Variants in NBEAL1 observed in about 807,000 individuals in gnomAD.
NBEAL1 encodes the protein neurobeachin like 1.
A neutral mutation model predicts 351.3 loss-of-function variants in NBEAL1; 273 were observed. The ratio of observed to expected loss-of-function variants is 0.78; its 90% CI spans 0.70 to 0.86. NBEAL1 has a LOEUF of 0.86. NBEAL1 is among the 40% of genes least tolerant of loss of function. NBEAL1 has a pLI of 0.00. For missense variants in NBEAL1, 2,961 were observed against 3,201.3 expected (o/e 0.92, Z 1.81); for synonymous variants, 1,050 against 1,086.4 (o/e 0.97, Z 0.66).
chr2:203,162,825 T>C (rs1052969811), intron 36 of NBEAL1, among the ~76,000 whole-genome samples: 1 of 152,078 alleles, frequency 6.6e-6, no homozygotes, highest in African/African-American at 2.4e-5. Context: ...TTCAAATAAA[T>C]AGAGCAGTGA....
rs748933456 is a variant in NBEAL1, at chr2:203,224,710, T to C, written c.*7356T>C. Among the ~76,000 whole-genome samples, 16 of 152,192 alleles carry C rather than the reference T, an allele frequency of 1.1e-4. No homozygotes were observed. The highest frequency in any genetic ancestry group is 1.4e-4 in the African/African-American group (6 of 41,460). ...ATCTTAAAATGTTCCTTCTCACTTATTCTACTGGAATTGACCATGAAAAAG... is the reference window on the plus strand; with the variant it reads ...ATCTTAAAATGTTCCTTCTCACTTACTCTACTGGAATTGACCATGAAAAAG... On this transcript the variant is annotated 3_prime_UTR_variant, in exon 56 of 56. Coordinates refer to ENST00000683969, the MANE Select transcript of NBEAL1 (RefSeq NM_001378026.1).
rs755842726 is a variant in NBEAL1 at position 203,199,292 on chromosome 2, T to C, written c.7129-46T>C. 3.0e-5 allele frequency: 33 copies of C among 1,107,452 alleles called. No homozygotes were observed. In the East Asian group the frequency reaches 7.6e-4, roughly 25 times the overall value. The allele number at this position is 1,107,452 out of a possible 1,614,324, so 68.6% of individuals were successfully genotyped here. A position where few individuals can be genotyped will look rare whatever the true frequency, so the allele number is the denominator to read the frequency against. ...AGCATCTGGTTATTCTGGGCTGCTT[T>C]CCTTAATATTTCATTTAATTTGAGT... On this transcript the variant is annotated intron_variant, in intron 48 of 55. Coordinates refer to ENST00000683969, the MANE Select transcript of NBEAL1 (RefSeq NM_001378026.1).
At chr2:203,094,994 C>T (rs2062150175) in intron 10 of NBEAL1, among the ~76,000 whole-genome samples, 1 of 151,946 alleles carries the variant, frequency 6.6e-6, no homozygotes, top group Admixed American at 6.6e-5. Flanking sequence ...CGTGGTGGCG[C>T]ATGCCTGTAA....
intron 3 of NBEAL1, among the ~76,000 whole-genome samples, chr2:203,048,412 T>A (rs2061266980): frequency 6.6e-6 from 1 of 151,766 alleles, no homozygotes; most frequent in African/African-American, 2.4e-5. Context: ...CCATGCTTTG[T>A]TATGCCTTGG....
chr2:203,192,675 C>T (rs540496191), intron 46 of NBEAL1, among the ~76,000 whole-genome samples: 8 of 152,128 alleles, frequency 5.3e-5, no homozygotes, highest in African/African-American at 1.4e-4. Flanking sequence ...TGTGAGCCAC[C>T]GCACCCGATC....
chr2:203,145,932 C>A, intron 33 of NBEAL1, among the ~76,000 whole-genome samples: 2 of 148,102 alleles, frequency 1.4e-5, no homozygotes, highest in Admixed American at 6.7e-5. Flanking sequence ...TAGAGAAAAT[C>A]AATGAAACCA....
At chr2:203,141,319 C>A (rs987841981) in intron 31 of NBEAL1, among the ~76,000 whole-genome samples, 1 of 133,936 alleles carries the variant, frequency 7.5e-6, no homozygotes, top group African/African-American at 2.8e-5. Flanking sequence ...TAAGTACAAG[C>A]ACAGCACCTA....
intron 10 of NBEAL1, among the ~76,000 whole-genome samples, chr2:203,092,893 AT>A (rs2062093903): frequency 6.6e-6 from 1 of 152,222 alleles, no homozygotes; most frequent in African/African-American, 2.4e-5. Context: ...GTAAATTGTT[AT>A]AAAGACAAAT....
chr2:203,065,769 C>G lies in NBEAL1; in HGVS notation c.516-2624C>G, dbSNP rs554948072. 1.1e-4 allele frequency among the ~76,000 whole-genome samples: 16 copies of G among 151,934 alleles called. No homozygotes were observed. The South Asian group carries it at 3.1e-3, about 30-fold the overall frequency. On this transcript the variant is annotated intron_variant, in intron 6 of 55. Coordinates refer to ENST00000683969, the MANE Select transcript of NBEAL1 (RefSeq NM_001378026.1). ...TCTGTCTCAGAAAAAAAAAAAGAAG[C>G]CTGGTTAAATCAACCAAAAACATAA...
At chr2:203,129,396 C>T (rs1039275133) in intron 24 of NBEAL1, among the ~76,000 whole-genome samples, 2 of 152,124 alleles carry the variant, frequency 1.3e-5, no homozygotes, top group Admixed American at 1.3e-4. Context: ...ATTATTTACT[C>T]AGTGGTTACA....
intron 2 of NBEAL1, among the ~76,000 whole-genome samples, chr2:203,025,336 A>G (rs2060839364): frequency 6.6e-6 from 1 of 152,224 alleles, no homozygotes; most frequent in Admixed American, 6.5e-5. Context: ...TGCAAACTTT[A>G]AAAATTTCTA....
At chr2:203,116,425 G>C (rs150087157) in intron 18 of NBEAL1, among the ~76,000 whole-genome samples, 102 of 152,140 alleles carry the variant, frequency 6.7e-4, no homozygotes, top group African/African-American at 2.4e-3. Context: ...TAAATGTGAT[G>C]TAGCCAAAAA....
At position 203,126,727 on chromosome 2, in the gene NBEAL1, G is replaced by C. The variant is rs766760899; in HGVS notation, c.3145+11G>C. ...TTCCCTTTCGAATCGGTGAGAGCAG[G>C]CTTTCAGATAAACATTTTATAGTTG... On this transcript the variant is annotated intron_variant, in intron 22 of 55. Transcript: ENST00000683969. 2 of 1,511,760 alleles carry C rather than the reference G, an allele frequency of 1.3e-6. No homozygotes were observed. Among genetic ancestry groups the C allele is most frequent in the Admixed American group, 4.6e-5 (2 of 43,034 alleles). The allele number at this position is 1,511,760 out of a possible 1,614,324, so 93.6% of individuals were successfully genotyped here.
intron 12 of NBEAL1, among the ~76,000 whole-genome samples, chr2:203,104,723 A>G (rs995963215): frequency 6.6e-6 from 1 of 152,178 alleles, no homozygotes; most frequent in Non-Finnish European, 1.5e-5. Flanking sequence ...CCTTCAGGAT[A>G]TCTTGTAAGG....
At chr2:203,106,794 C>T (rs1292498395) in intron 12 of NBEAL1, among the ~76,000 whole-genome samples, 1 of 152,148 alleles carries the variant, frequency 6.6e-6, no homozygotes, top group Non-Finnish European at 1.5e-5. Context: ...TAATGGGGCA[C>T]TTTAGTATGT....
chr2:203,183,393 G>A lies in NBEAL1; in HGVS notation c.6705+5G>A. The A allele has an allele frequency of 6.8e-7, 1 of 1,477,550 alleles. No individual in the cohort carries two copies. The highest frequency in any genetic ancestry group is 9.3e-7 in the Non-Finnish European group (1 of 1,076,500). 91.5% of individuals were successfully genotyped at this position (1,477,550 alleles called of 1,614,324 possible). The stretch of plus-strand genomic sequence containing the variant: ...TATAAACATAGGAAAGCTTTGGTAA[G>A]AGTTTTGCATTTAGTTATTTGACAG... On this transcript the variant is annotated splice_donor_5th_base_variant and intron_variant, in intron 44 of 55. Coordinates refer to ENST00000683969, the MANE Select transcript of NBEAL1 (RefSeq NM_001378026.1).
At chr2:203,196,949 G>A (rs2065255539) in intron 47 of NBEAL1, among the ~76,000 whole-genome samples, 1 of 152,148 alleles carries the variant, frequency 6.6e-6, no homozygotes, top group African/African-American at 2.4e-5. Context: ...TGACTTATTT[G>A]AGAAACATGT....
At chr2:203,028,045 A>C (rs778421755) in intron 2 of NBEAL1, among the ~76,000 whole-genome samples, 21 of 151,990 alleles carry the variant, frequency 1.4e-4, no homozygotes, top group Non-Finnish European at 2.8e-4. Context: ...CACCACGCCT[A>C]GCTAATTTTT....
intron 36 of NBEAL1, 130 bp downstream of exon 36, chr2:203,157,955 A>G: frequency 1.5e-6 from 1 of 661,532 alleles, no homozygotes; most frequent in South Asian, 3.7e-5. Context: ...AGCTGTTAGG[A>G]TTTTATCAGT....
Sources: gnomAD v4.1 joint callset for allele counts (sites outside exome capture counted in the v4.1 genomes callset) on GRCh38, gnomAD v4.1.1 for gene constraint, MANE v1.5 for transcripts, NCBI Gene and HGNC (gene_info 2026-07-23, HGNC 2026-07-21) for gene names.